TBC1D5: variants seen among roughly 807,000 people sequenced by gnomAD.
TBC1D5 encodes TBC1 domain family, member 5.
In TBC1D5, 75 loss-of-function variants were observed where a neutral mutation model predicts 100.3. That is an observed-to-expected ratio of 0.75 (90% CI 0.62 to 0.91). TBC1D5 has a LOEUF of 0.91. Ranked by LOEUF, TBC1D5 falls within the 40% of genes least tolerant of loss-of-function variation. The probability of loss-of-function intolerance (pLI) is 0.00; values close to 1 mark genes in which losing one functional copy is unlikely to be tolerated. For missense variants in TBC1D5, 910 were observed against 942.4 expected (o/e 0.97, Z 0.45); for synonymous variants, 323 against 325.6 (o/e 0.99, Z 0.09).
At chr3:17,232,237 A>T (rs2075486363) in intron 17 of TBC1D5, among the ~76,000 whole-genome samples, 2 of 152,188 alleles carry the variant, frequency 1.3e-5, no homozygotes, top group African/African-American at 4.8e-5. Flanking sequence ...AGAATAAGCA[A>T]GCCAACTCTT....
At chr3:17,471,137 C>T (rs987947520) in intron 3 of TBC1D5, among the ~76,000 whole-genome samples, 2 of 152,112 alleles carry the variant, frequency 1.3e-5, no homozygotes, top group Non-Finnish European at 2.9e-5. Context: ...GTGATCACAC[C>T]ACCTAAGTGA....
chr3:17,649,495 C>T (rs1262761957), intron 1 of TBC1D5, among the ~76,000 whole-genome samples: 1 of 151,986 alleles, frequency 6.6e-6, no homozygotes, highest in Non-Finnish European at 1.5e-5. Flanking sequence ...AAAAATAATG[C>T]ACTCAAAATT....
chr3:17,363,172 T>C (rs984115456), intron 13 of TBC1D5, among the ~76,000 whole-genome samples: 5 of 152,198 alleles, frequency 3.3e-5, no homozygotes, highest in African/African-American at 1.2e-4. Flanking sequence ...CCCCTATTTT[T>C]ATTTACCTTA....
chr3:17,697,083 TA>T (rs2072235590), intron 1 of TBC1D5, among the ~76,000 whole-genome samples: 1 of 152,232 alleles, frequency 6.6e-6, no homozygotes, highest in Non-Finnish European at 1.5e-5. Context: ...CTCAATAAAC[TA>T]GGTATTGATG....
At chr3:17,427,717 A>G (rs1559863757) in intron 4 of TBC1D5, among the ~76,000 whole-genome samples, 1 of 151,870 alleles carries the variant, frequency 6.6e-6, no homozygotes, top group Non-Finnish European at 1.5e-5. Context: ...TTATTATTGA[A>G]TTTGCACTTT....
chr3:17,165,384 T>C (rs2066494442), intron 21 of TBC1D5, among the ~76,000 whole-genome samples: 1 of 152,224 alleles, frequency 6.6e-6, no homozygotes, highest in Non-Finnish European at 1.5e-5. Context: ...AAATGCATTG[T>C]GGTTGGGCCT....
At chr3:17,640,184 C>T (rs986546644) in intron 1 of TBC1D5, among the ~76,000 whole-genome samples, 1 of 151,994 alleles carries the variant, frequency 6.6e-6, no homozygotes, top group Non-Finnish European at 1.5e-5. Flanking sequence ...CTCCTGACTC[C>T]CTTTAACTTT....
At chr3:17,260,331 A>G (rs978336827) in intron 15 of TBC1D5, among the ~76,000 whole-genome samples, 5 of 152,242 alleles carry the variant, frequency 3.3e-5, no homozygotes, top group African/African-American at 1.2e-4. Context: ...AGAAGGGATC[A>G]CATGGAGCAA....
chr3:17,486,815 A>G (rs1179144344), intron 3 of TBC1D5, among the ~76,000 whole-genome samples: 1 of 152,200 alleles, frequency 6.6e-6, no homozygotes, highest in Non-Finnish European at 1.5e-5. Flanking sequence ...TGCAAACTTT[A>G]TAATGAAAGA....
chr3:17,494,218 C>G (rs1238637947), intron 3 of TBC1D5, among the ~76,000 whole-genome samples: 1 of 152,102 alleles, frequency 6.6e-6, no homozygotes, highest in African/African-American at 2.4e-5. Flanking sequence ...CCTGGGTCAC[C>G]CCCCAACCCG....
intron 18 of TBC1D5, among the ~76,000 whole-genome samples, chr3:17,205,641 T>C (rs1222721450): frequency 6.6e-6 from 1 of 152,198 alleles, no homozygotes; most frequent in Non-Finnish European, 1.5e-5. Flanking sequence ...TCCTCTGTCA[T>C]GAGCCTCTCG....
chr3:17,374,783 CG>C (rs1018231474), intron 10 of TBC1D5, 104 bp from the exon 11 acceptor site: 85 of 1,110,424 alleles, frequency 7.7e-5, no homozygotes, highest in African/African-American at 4.3e-4. Flanking sequence ...AATATGCAAA[CG>C]AAAAAAATTA....
intron 1 of TBC1D5, among the ~76,000 whole-genome samples, chr3:17,711,830 A>G (rs1412380863): frequency 1.3e-5 from 2 of 152,198 alleles, no homozygotes; most frequent in East Asian, 3.8e-4. Flanking sequence ...ATTCTTGAAC[A>G]TATCTCCCAG....
intron 2 of TBC1D5, among the ~76,000 whole-genome samples, chr3:17,508,927 A>C (rs2095872482): frequency 6.6e-6 from 1 of 152,180 alleles, no homozygotes; most frequent in South Asian, 2.1e-4. Flanking sequence ...TTTGTTTTAC[A>C]GCCAAAATAA....
intron 3 of TBC1D5, among the ~76,000 whole-genome samples, chr3:17,478,037 G>C (rs181933716): frequency 6.6e-6 from 1 of 152,054 alleles, no homozygotes; most frequent in African/African-American, 2.4e-5. Context: ...CTTGATTAAA[G>C]AATTTATTTT....
At chr3:17,433,692 A>T (rs2094484235) in intron 3 of TBC1D5, among the ~76,000 whole-genome samples, 1 of 152,104 alleles carries the variant, frequency 6.6e-6, no homozygotes, top group African/African-American at 2.4e-5. Context: ...AAACACAGTC[A>T]TGCCTTCCCA....
chr3:17,670,510 T>C (rs892841645), intron 1 of TBC1D5, among the ~76,000 whole-genome samples: 1 of 152,196 alleles, frequency 6.6e-6, no homozygotes, highest in Non-Finnish European at 1.5e-5. Context: ...GGGATCTCAC[T>C]ACCTTTTAGG....
chr3:17,169,807 AC>A (rs1338850828), intron 19 of TBC1D5, among the ~76,000 whole-genome samples: 3 of 152,240 alleles, frequency 2.0e-5, no homozygotes, highest in African/African-American at 7.2e-5. Context: ...CCTTTTTGGT[AC>A]CAGAGACTGG....
intron 1 of TBC1D5, among the ~76,000 whole-genome samples, chr3:17,724,251 C>G (rs1267683186): frequency 6.6e-6 from 1 of 151,980 alleles, no homozygotes; most frequent in Non-Finnish European, 1.5e-5. Context: ...CGCCACCATG[C>G]TCGTCTAATT....
Sources: allele counts gnomAD v4.1 joint callset (sites outside exome capture counted in the v4.1 genomes callset), GRCh38; gene constraint gnomAD v4.1.1; transcripts MANE v1.5; gene names NCBI Gene and HGNC (gene_info 2026-07-23, HGNC 2026-07-21).